Variants in ABCC5 observed in about 807,000 individuals in gnomAD.
ABCC5 encodes the protein ATP-binding cassette sub-family C member 5.
ABCC5 carries 61 observed loss-of-function variants against 160.9 expected under a neutral mutation model. The ratio of observed to expected loss-of-function variants is 0.38; its 90% CI spans 0.31 to 0.47. ABCC5 has a LOEUF of 0.47. Among genes scored for constraint, ABCC5 ranks in the 20% least tolerant of loss-of-function variants. ABCC5 has a pLI of 0.99. For missense variants in ABCC5, 1,308 were observed against 1,813.3 expected (o/e 0.72, Z 5.06); for synonymous variants, 666 against 700.6 (o/e 0.95, Z 0.78).
chr3:183,956,088 G>A lies in ABCC5; in HGVS notation c.2483-2818C>T, dbSNP rs1370069832. 7.3e-5 allele frequency among the ~76,000 whole-genome samples: 10 copies of A among 136,866 alleles called. 2 individuals are homozygous for A. Among genetic ancestry groups the A allele is most frequent in the Admixed American group, 6.1e-4 (8 of 13,204 alleles). 89.8% of individuals were successfully genotyped at this position (136,866 alleles called of 152,430 possible). ...TATCACATCGGTTACATGCAGATCC[G>A]TGTGTATATCACATCTGTTACATGC... is the stretch of plus-strand genomic sequence containing the variant. On this transcript the variant is annotated intron_variant, in intron 17 of 29. Transcript: ENST00000334444.
chr3:183,949,138 C>T lies in ABCC5; in HGVS notation c.3227+615G>A, dbSNP rs1162138047. On this transcript the variant is annotated intron_variant, in intron 22 of 29. Transcript: ENST00000334444. This position sits in a 1 kb window ranked among gnomAD's most constrained non-coding sequence, Gnocchi z 4.2. ...CCTATCAGTACCTATAGAGCTCCCTCATTCTTTTTAAGGGCCACATAGTAC... is the reference window on the plus strand; with the variant it reads ...CCTATCAGTACCTATAGAGCTCCCTTATTCTTTTTAAGGGCCACATAGTAC... 6.6e-6 allele frequency among the ~76,000 whole-genome samples: 1 copy of T among 152,220 alleles called. No individual in the cohort carries two copies. The highest frequency in any genetic ancestry group is 2.4e-5 in the African/African-American group (1 of 41,444).
chr3:183,959,052 TACACACACAC>T (rs59592606), intron 17 of ABCC5, among the ~76,000 whole-genome samples: 343 of 148,160 alleles, frequency 2.3e-3, no homozygotes, highest in Non-Finnish European at 3.9e-3. Flanking sequence ...ATCTATACAG[TACACACACAC>T]ACACACACAC....
chr3:183,977,304 A>G (rs1437436028), intron 10 of ABCC5, among the ~76,000 whole-genome samples: 1 of 152,248 alleles, frequency 6.6e-6, no homozygotes, highest in Non-Finnish European at 1.5e-5. Flanking sequence ...GGCCGTTCAC[A>G]AAAGGTAAAA....
At chr3:184,000,311 C>A (rs1224940432) in intron 2 of ABCC5, among the ~76,000 whole-genome samples, 1 of 151,984 alleles carries the variant, frequency 6.6e-6, no homozygotes, top group Non-Finnish European at 1.5e-5. Context: ...CCACTGCACT[C>A]CAGCCTGGGT....
chr3:183,947,421 C>T lies in ABCC5; in HGVS notation c.3317G>A (p.Ser1106Asn). ...RWLAVRLDLI[S>N]IALITTTGLM... The stretch of plus-strand genomic sequence containing the variant: ...CCCCGTGGTGGTGATGAGGGCGATG[C>T]TGATGAGGTCCAGCCGCACAGCCAG... Residue 1106 changes from serine (S) to asparagine (N), a missense_variant, in exon 23 of 30, where the codon AGC (serine) becomes AAC (asparagine). Ser to Asn is a conservative substitution (Grantham distance 46). Around this residue, in one of 3 missense-constraint regions of ABCC5, gnomAD observed 1,142 missense variants for 1,527.1 expected, o/e 0.75. Transcript: ENST00000334444. 1 of 1,613,816 alleles carries T rather than the reference C, an allele frequency of 6.2e-7. No homozygotes were observed.
intron 1 of ABCC5, among the ~76,000 whole-genome samples, chr3:184,015,610 G>A: frequency 6.6e-6 from 1 of 151,870 alleles, no homozygotes; most frequent in South Asian, 2.1e-4. Context: ...CAGGTTTCCA[G>A]TCCAAAGAAA....
At position 184,003,619 on chromosome 3, in the gene ABCC5, T is replaced by C. The variant is rs559828918; in HGVS notation, c.129+10645A>G. 7.3e-4 allele frequency among the ~76,000 whole-genome samples: 111 copies of C among 152,324 alleles called. 2 individuals are homozygous for C. The highest frequency in any genetic ancestry group is 2.6e-3 in the African/African-American group (109 of 41,588). ...GAATTAACTTGAGCATCAGCTCACT[T>C]ATCTGTAGCTGTGCTATGTTACTCT... On this transcript the variant is annotated intron_variant, in intron 2 of 29. Transcript: ENST00000334444.
intron 8 of ABCC5, among the ~76,000 whole-genome samples, chr3:183,980,815 C>T (rs1187566832): frequency 6.6e-6 from 1 of 151,482 alleles, no homozygotes; most frequent in Non-Finnish European, 1.5e-5. Context: ...TGGGTTCAAG[C>T]GATTCTCCTG....
At chr3:183,997,745 C>T (rs1337170488) in intron 2 of ABCC5, among the ~76,000 whole-genome samples, 1 of 152,180 alleles carries the variant, frequency 6.6e-6, no homozygotes, top group African/African-American at 2.4e-5. Flanking sequence ...GGCGATCTTA[C>T]CCATTCCACT....
chr3:184,002,650 C>T, intron 2 of ABCC5, among the ~76,000 whole-genome samples: 1 of 152,200 alleles, frequency 6.6e-6, no homozygotes, highest in Non-Finnish European at 1.5e-5. Flanking sequence ...CCAGCTGTCC[C>T]ATCTCATTTT....
chr3:183,957,616 G>A (rs552083979), intron 17 of ABCC5, among the ~76,000 whole-genome samples: 27 of 151,968 alleles, frequency 1.8e-4, no homozygotes, highest in Non-Finnish European at 5.9e-5. Flanking sequence ...TCGGTTACAT[G>A]CAGATCCATG....
At chr3:183,971,532 C>G (rs371638434) in intron 11 of ABCC5, 31 bp downstream of exon 11, 1 of 1,590,796 alleles carries the variant, frequency 6.3e-7, no homozygotes, top group African/African-American at 1.4e-5. Context: ...TGGTGGGGTG[C>G]GGGCAGGGAG....
At chr3:183,926,629 C>T (rs1282970946) in intron 28 of ABCC5, among the ~76,000 whole-genome samples, 1 of 152,274 alleles carries the variant, frequency 6.6e-6, no homozygotes, top group South Asian at 2.1e-4. Context: ...TGAGCATGTA[C>T]AATTAATTCT....
At chr3:183,985,683 T>TC in intron 5 of ABCC5, 2 of 417,150 alleles carry the variant, frequency 4.8e-6, no homozygotes, top group Non-Finnish European at 9.1e-6. Flanking sequence ...CCCCAAAGCA[T>TC]CTCTGTAAGT....
chr3:183,930,356 C>T (rs1045484567), intron 26 of ABCC5, among the ~76,000 whole-genome samples: 6 of 152,228 alleles, frequency 3.9e-5, no homozygotes, highest in Admixed American at 1.3e-4. Context: ...CTTTGCACGG[C>T]GTTTTTCCCG....
chr3:183,961,395 C>T (rs1716718919), intron 16 of ABCC5, 116 bp downstream of exon 16: 2 of 1,306,290 alleles, frequency 1.5e-6, no homozygotes, highest in African/African-American at 3.0e-5. Context: ...GAAAACAGGG[C>T]CCCTGCCAAT....
chr3:184,006,179 G>T (rs1347850229), intron 2 of ABCC5, among the ~76,000 whole-genome samples: 1 of 151,620 alleles, frequency 6.6e-6, no homozygotes, highest in Admixed American at 6.6e-5. Context: ...CTCAGCCGGA[G>T]ATCTCTGGGC....
Position 183,951,642 on chromosome 3 carries a change from G to A in ABCC5, c.2815-72C>T, listed in dbSNP as rs898994295. On this transcript the variant is annotated intron_variant, in intron 19 of 29. Transcript: ENST00000334444. This position sits in a 1 kb window ranked among gnomAD's most constrained non-coding sequence, Gnocchi z 4.7. ...TCCTACTGGTCCAGAGAACCGCTCCGCAGCACATCCACTCCCAAAGCGGGG... is the reference window on the plus strand; with the variant it reads ...TCCTACTGGTCCAGAGAACCGCTCCACAGCACATCCACTCCCAAAGCGGGG... 8.3e-6 allele frequency: 13 copies of A among 1,568,986 alleles called. No individual in the cohort carries two copies. The highest frequency in any genetic ancestry group is 8.1e-5 in the African/African-American group (6 of 73,748).
chr3:183,932,542 T>C (rs2037379), intron 26 of ABCC5, among the ~76,000 whole-genome samples: 95,760 of 152,110 alleles, frequency 0.63, 31,091 homozygotes, highest in East Asian at 0.84. Context: ...CAGGAGGCAA[T>C]GCAGTGAGTG....
Sources: allele counts gnomAD v4.1 joint callset (sites outside exome capture counted in the v4.1 genomes callset), GRCh38; gene constraint gnomAD v4.1.1; regional missense constraint gnomAD v4.1.1; non-coding constraint Gnocchi (gnomAD v3.1); transcripts MANE v1.5; gene names NCBI Gene and HGNC (gene_info 2026-07-23, HGNC 2026-07-21).